CUBN: variants seen among roughly 807,000 people sequenced by gnomAD.
The protein encoded by CUBN is 460 kDa receptor.
Under a neutral mutation model 405.3 loss-of-function variants are expected in CUBN, and 282 were observed. The ratio of observed to expected loss-of-function variants is 0.70; its 90% CI spans 0.63 to 0.77. The LOEUF is 0.77. CUBN is among the 30% of genes least tolerant of loss of function. The pLI is 0.00. For synonymous variants in CUBN, 1,684 were observed against 1,617.0 expected (o/e 1.04, Z -0.99); for missense variants, 4,514 against 4,475.2 (o/e 1.01, Z -0.25).
chr10:17,094,553 A>G (rs1481220650), intron 14 of CUBN, among the ~76,000 whole-genome samples: 2 of 152,104 alleles, frequency 1.3e-5, no homozygotes, highest in Non-Finnish European at 2.9e-5. Context: ...AAACTAATTC[A>G]GTAAAGTTAC....
chr10:16,965,241 T>C (rs1408216758), intron 31 of CUBN, among the ~76,000 whole-genome samples: 1 of 152,204 alleles, frequency 6.6e-6, no homozygotes, highest in African/African-American at 2.4e-5. Context: ...CATTTGTGTC[T>C]TCCTTCCATT....
chr10:16,971,396 G>T (rs988985384), intron 31 of CUBN, among the ~76,000 whole-genome samples: 2 of 152,142 alleles, frequency 1.3e-5, no homozygotes, highest in South Asian at 4.1e-4. Flanking sequence ...GCCTTGCCAG[G>T]GCATTGCCTG....
At chr10:16,978,512 C>G (rs141781213) in intron 31 of CUBN, among the ~76,000 whole-genome samples, 102 of 152,312 alleles carry the variant, frequency 6.7e-4, no homozygotes, top group Middle Eastern at 3.4e-3. Flanking sequence ...GATAAATAAA[C>G]TTAACTTTCA....
chr10:16,964,476 T>C (rs1843330707), intron 31 of CUBN, among the ~76,000 whole-genome samples: 1 of 152,212 alleles, frequency 6.6e-6, no homozygotes, highest in Admixed American at 6.5e-5. Flanking sequence ...TGCGTGTATA[T>C]ATTTGTATGT....
At position 16,824,974 on chromosome 10, in the gene CUBN, C is replaced by A; in HGVS notation, c.*1G>T. The A allele has an allele frequency of 1.2e-6, 2 of 1,611,422 alleles. No individual in the cohort carries two copies. Among genetic ancestry groups the A allele is most frequent in the Non-Finnish European group, 1.7e-6 (2 of 1,177,638 alleles). On this transcript the variant is annotated 3_prime_UTR_variant, in exon 67 of 67. Transcript: ENST00000377833. ...CTGAGTGAACACGAGTTGTTACCCA[C>A]TTAGCTGTCCCAAGTTAATCGGAAT...
chr10:16,906,129 G>C, intron 50 of CUBN, 74 bp downstream of exon 50: 2 of 1,195,374 alleles, frequency 1.7e-6, no homozygotes, highest in East Asian at 4.8e-5. Context: ...AACAACAACA[G>C]CAGCGACAAC....
At chr10:17,124,548 C>T (rs1837125572) in intron 4 of CUBN, among the ~76,000 whole-genome samples, 1 of 151,794 alleles carries the variant, frequency 6.6e-6, no homozygotes, top group Non-Finnish European at 1.5e-5. Context: ...CCTGCCTCAG[C>T]CTCCTAAGTA....
intron 22 of CUBN, among the ~76,000 whole-genome samples, chr10:17,057,743 G>A (rs907336796): frequency 1.3e-5 from 2 of 151,798 alleles, no homozygotes; most frequent in South Asian, 2.1e-4. Context: ...ATGATATATC[G>A]ATGCAATGGA....
chr10:17,094,700 A>G (rs1426731344), intron 14 of CUBN, among the ~76,000 whole-genome samples: 1 of 152,076 alleles, frequency 6.6e-6, no homozygotes, highest in African/African-American at 2.4e-5. Context: ...TTTAACCAAG[A>G]AAGTGAAATA....
At chr10:17,016,347 C>T (rs1432456727) in intron 28 of CUBN, among the ~76,000 whole-genome samples, 1 of 152,120 alleles carries the variant, frequency 6.6e-6, no homozygotes, top group Admixed American at 6.5e-5. Flanking sequence ...CTGGGGAAGG[C>T]TTTTTGACCA....
intron 22 of CUBN, among the ~76,000 whole-genome samples, chr10:17,056,681 C>T (rs931443447): frequency 6.6e-6 from 1 of 151,830 alleles, no homozygotes; most frequent in African/African-American, 2.4e-5. Flanking sequence ...ATTTCTCAGA[C>T]AAGATACAAA....
chr10:16,997,084 C>G, intron 28 of CUBN, among the ~76,000 whole-genome samples: 1 of 152,198 alleles, frequency 6.6e-6, no homozygotes, highest in South Asian at 2.1e-4. Flanking sequence ...TCTTTCTGCT[C>G]TATAAGACCT....
intron 31 of CUBN, among the ~76,000 whole-genome samples, chr10:16,980,935 A>C (rs1833252091): frequency 6.6e-6 from 1 of 152,086 alleles, no homozygotes; most frequent in African/African-American, 2.4e-5. Flanking sequence ...ATTCACTCTT[A>C]TATGAAGCGC....
chr10:17,100,294 T>C, intron 13 of CUBN, 55 bp from the exon 14 acceptor site: 1 of 1,207,832 alleles, frequency 8.3e-7, no homozygotes, highest in South Asian at 1.2e-5. Context: ...AATTTTAAAG[T>C]ATTTCTCCCA....
intron 54 of CUBN, among the ~76,000 whole-genome samples, chr10:16,891,682 C>A (rs978250566): frequency 6.6e-6 from 1 of 151,572 alleles, no homozygotes; most frequent in Non-Finnish European, 1.5e-5. Flanking sequence ...GGAAAGTATG[C>A]ATATTAGGTA....
At chr10:16,886,860 C>G (rs1453006139) in intron 56 of CUBN, among the ~76,000 whole-genome samples, 1 of 152,244 alleles carries the variant, frequency 6.6e-6, no homozygotes, top group Non-Finnish European at 1.5e-5. Context: ...ATGATCTAGG[C>G]TCACCGCAAC....
In CUBN at chr10:17,088,260, G is replaced by A; in HGVS notation, c.1851C>T (p.Val617=). 4 of 1,613,734 alleles carry A rather than the reference G, an allele frequency of 2.5e-6. No homozygotes were observed. The highest frequency in any genetic ancestry group is 3.4e-6 in the Non-Finnish European group (4 of 1,179,688). Residue 617 remains valine, a synonymous_variant, in exon 15 of 67, where the codon GTC becomes GTT. Coordinates refer to ENST00000377833, the MANE Select transcript of CUBN (RefSeq NM_001081.4). ...PGNYPPGRDC[V]WIVVTSPDLL... is the part of the protein sequence containing the mutation. ...GGTCAGGACTAGTTACAACAATCCA[G>A]ACACAATCTCTTCCTGGGGGATAGT...
chr10:17,027,254 T>C (rs960534275), intron 27 of CUBN, among the ~76,000 whole-genome samples: 5 of 152,216 alleles, frequency 3.3e-5, no homozygotes, highest in African/African-American at 7.2e-5. Context: ...TGGTGAAGAT[T>C]TGAAAAGATT....
At chr10:17,112,557 T>A (rs1836794764) in intron 8 of CUBN, among the ~76,000 whole-genome samples, 3 of 152,156 alleles carry the variant, frequency 2.0e-5, no homozygotes, top group African/African-American at 7.2e-5. Context: ...TTTTCTGATT[T>A]ATAGTTTTTA....
Sources: allele counts gnomAD v4.1 joint callset (sites outside exome capture counted in the v4.1 genomes callset), GRCh38; gene constraint gnomAD v4.1.1; transcripts MANE v1.5; gene names NCBI Gene and HGNC (gene_info 2026-07-23, HGNC 2026-07-21).